RBM33: variants seen among roughly 807,000 people sequenced by gnomAD.
RBM33 encodes the protein RNA binding motif protein 33.
Under a neutral mutation model 132.6 loss-of-function variants are expected in RBM33, and 28 were observed. The observed-to-expected ratio is 0.21, with a 90% CI of 0.16 to 0.29. RBM33 has a LOEUF of 0.29. Ranked by LOEUF, RBM33 falls within the 10% of genes least tolerant of loss-of-function variation. The pLI is 1.00. For synonymous variants in RBM33, 634 were observed against 593.0 expected, an observed-to-expected ratio of 1.07 and a Z score of -1.01; for missense variants, 1,291 against 1,518.5, an observed-to-expected ratio of 0.85 and a Z score of 2.49.
chr7:155,742,380 G>C (rs1043778202), intron 13 of RBM33, among the ~76,000 whole-genome samples: 1 of 152,076 alleles, frequency 6.6e-6, no homozygotes, highest in Non-Finnish European at 1.5e-5. Flanking sequence ...TTTCTGTAAA[G>C]GGCCCAAATA....
intron 9 of RBM33, among the ~76,000 whole-genome samples, chr7:155,719,232 G>A (rs1800553788): frequency 6.6e-6 from 1 of 151,766 alleles, no homozygotes; most frequent in African/African-American, 2.4e-5. Context: ...AAATTTTAAT[G>A]TCATTTATAT....
rs1016015254 is a variant in RBM33 at position 155,644,742 on chromosome 7, G to A, written c.-135G>A. On this transcript the variant is annotated 5_prime_UTR_variant, in exon 1 of 18. Coordinates refer to ENST00000401878, the MANE Select transcript of RBM33 (RefSeq NM_053043.3). The stretch of plus-strand genomic sequence containing the variant: ...AAGGGCCAGCTGTGGACCGCGAAGC[G>A]CCCGGCTTCGCCTCTGCCTCCTGCA... The A allele has an allele frequency of 1.4e-4, 94 of 661,970 alleles. No homozygotes were observed. The highest frequency in any genetic ancestry group is 2.1e-4 in the Admixed American group (5 of 23,940). The allele number at this position is 661,970 out of a possible 1,614,324, so 41.0% of individuals were successfully genotyped here. A position where few individuals can be genotyped will look rare whatever the true frequency, so the allele number is the denominator to read the frequency against.
chr7:155,715,114 C>T (rs984253619), intron 8 of RBM33, among the ~76,000 whole-genome samples: 9 of 152,114 alleles, frequency 5.9e-5, no homozygotes, highest in African/African-American at 2.2e-4. Flanking sequence ...CTTAGGTGGC[C>T]CTGAGCGTCG....
intron 1 of RBM33, among the ~76,000 whole-genome samples, chr7:155,646,761 A>G (rs1039460942): frequency 2.0e-5 from 3 of 151,886 alleles, no homozygotes; most frequent in East Asian, 1.9e-4. Context: ...TTAATTTGTA[A>G]TTTTCTTCAG....
At chr7:155,736,039 G>C (rs547466174) in intron 9 of RBM33, among the ~76,000 whole-genome samples, 2 of 152,120 alleles carry the variant, frequency 1.3e-5, no homozygotes, top group Non-Finnish European at 2.9e-5. Context: ...TAAAGTTTAT[G>C]TTTTTATAAA....
At chr7:155,711,166 T>A in intron 7 of RBM33, 37 bp from the exon 8 acceptor site, 1 of 1,467,348 alleles carries the variant, frequency 6.8e-7, no homozygotes, top group Non-Finnish European at 9.0e-7. Flanking sequence ...TTTTTTGTGA[T>A]TTGTAGACTC....
chr7:155,737,610 C>T lies in RBM33; in HGVS notation c.1341C>T (p.Asp447=). The T allele has an allele frequency of 6.2e-7, 1 of 1,612,230 alleles. No homozygotes were observed. The highest frequency in any genetic ancestry group is 8.5e-7 in the Non-Finnish European group (1 of 1,179,162). The change falls in exon 10 of 18, where the codon GAC becomes GAT. Residue 447 remains aspartate, a synonymous_variant. Transcript: ENST00000401878. ...FSQPPRLPLQ[D]QWRAPPPPQD... Reference sequence around the variant, plus strand: ...AGCCCCCACGACTCCCTCTCCAGGACCAGTGGAGAGCCCCACCCCCGCCTC... The same window carrying T: ...AGCCCCCACGACTCCCTCTCCAGGATCAGTGGAGAGCCCCACCCCCGCCTC...
chr7:155,729,379 G>A (rs956691313), intron 9 of RBM33, among the ~76,000 whole-genome samples: 1 of 150,766 alleles, frequency 6.6e-6, no homozygotes, highest in Non-Finnish European at 1.5e-5. Context: ...CCAGCTGCAG[G>A]GTGAAGAAGC....
In RBM33 at chr7:155,737,572, A is replaced by G. The variant is rs1801168803; in HGVS notation, c.1303A>G (p.Asn435Asp). Residue 435 changes from asparagine to aspartate, a missense_variant, in exon 10 of 18, where the codon AAC becomes GAC. By Grantham distance (23) the Asn-to-Asp change is conservative (BLOSUM62 1). Coordinates refer to ENST00000401878, the MANE Select transcript of RBM33 (RefSeq NM_053043.3). ...FPQHTPGPVPNSFSQPPRLPL... is the reference protein window; with the variant it reads ...FPQHTPGPVPDSFSQPPRLPL... ...ACAGCATACACCTGGACCTGTTCCC[A>G]ACAGTTTCAGCCAGCCCCCACGACT... The G allele has an allele frequency of 6.2e-7, 1 of 1,613,346 alleles. No individual in the cohort carries two copies. Among genetic ancestry groups the G allele is most frequent in the Non-Finnish European group, 8.5e-7 (1 of 1,179,680 alleles).
intron 9 of RBM33, among the ~76,000 whole-genome samples, chr7:155,724,990 TTGTGTGTG>T (rs56739117): frequency 0.036 from 4,417 of 123,254 alleles, 228 homozygotes; most frequent in African/African-American, 0.13. Context: ...GTGTACAGGT[TTGTGTGTG>T]TGTGTGTGTG....
chr7:155,673,730 A>G (rs191866234), intron 3 of RBM33, among the ~76,000 whole-genome samples: 26 of 144,044 alleles, frequency 1.8e-4, no homozygotes, highest in African/African-American at 7.0e-4. Flanking sequence ...ATACACACAC[A>G]TATATACATA....
At chr7:155,667,410 C>G (rs572854855) in intron 2 of RBM33, among the ~76,000 whole-genome samples, 13 of 152,126 alleles carry the variant, frequency 8.5e-5, no homozygotes, top group Non-Finnish European at 1.9e-4. Context: ...GTGCCGTGCC[C>G]AGTTGTATTT....
intron 2 of RBM33, among the ~76,000 whole-genome samples, chr7:155,671,412 A>G (rs2116902195): frequency 6.6e-6 from 1 of 152,320 alleles, no homozygotes; most frequent in South Asian, 2.1e-4. Flanking sequence ...TTATCTGTAA[A>G]ATGTAATATA....
rs1045222398 is a variant in RBM33, at chr7:155,774,447, A to G, written c.3376-112A>G. The stretch of plus-strand genomic sequence containing the variant: ...AAGGAAAATCAATTAGTGTGTTCCA[A>G]ATGTCCGCCTGGACTCATTTTGTGT... On this transcript the variant is annotated intron_variant, in intron 16 of 17. Transcript: ENST00000401878. This position sits in a 1 kb window ranked among gnomAD's most constrained non-coding sequence, Gnocchi z 4.2. 1.3e-4 allele frequency: 93 copies of G among 742,242 alleles called. 1 individual carries two copies. In the Admixed American group the frequency reaches 2.1e-3, roughly 17 times the overall value. The allele number at this position is 742,242 out of a possible 1,614,324, so 46.0% of individuals were successfully genotyped here. A position where few individuals can be genotyped will look rare whatever the true frequency, so the allele number is the denominator to read the frequency against.
intron 6 of RBM33, among the ~76,000 whole-genome samples, chr7:155,705,021 A>T (rs998250680): frequency 1.3e-5 from 2 of 152,196 alleles, no homozygotes; most frequent in African/African-American, 4.8e-5. Context: ...TGTGTATTCT[A>T]TATGTATTTC....
At chr7:155,679,184 A>C (rs1344219061) in intron 4 of RBM33, among the ~76,000 whole-genome samples, 3 of 152,252 alleles carry the variant, frequency 2.0e-5, no homozygotes, top group Admixed American at 1.3e-4. Context: ...AAAAAAAAAA[A>C]CAAAAAACAA....
In RBM33 at chr7:155,679,794, A is replaced by G. The variant is rs534239474; in HGVS notation, c.249-796A>G. Among the ~76,000 whole-genome samples, 4 of 152,314 alleles carry G rather than the reference A, an allele frequency of 2.6e-5. No individual in the cohort carries two copies. In the South Asian group the frequency reaches 8.3e-4, roughly 32 times the overall value. On this transcript the variant is annotated intron_variant, in intron 4 of 17. Transcript: ENST00000401878. ...ATCATTGAAGTTTTTTAGACACAGT[A>G]TCTTGAAGTCTAAGAGGTGTATTAA...
chr7:155,739,870 G>GCAGCAC lies in RBM33; in HGVS notation c.1902_1907dup (p.Gln634_His635dup). On this transcript the variant is annotated inframe_insertion, in exon 12 of 18. Transcript: ENST00000401878. ...CCCAGCACCCACCACAGCACCCGCC[G>GCAGCAC]CAGCACCAGCACCACCACCACCACC... 1 of 1,171,350 alleles carries GCAGCAC rather than the reference G, an allele frequency of 8.5e-7. No individual in the cohort carries two copies. 72.6% of individuals were successfully genotyped at this position (1,171,350 alleles called of 1,614,324 possible).
At chr7:155,685,558 A>C (rs1347389859) in intron 5 of RBM33, among the ~76,000 whole-genome samples, 1 of 152,228 alleles carries the variant, frequency 6.6e-6, no homozygotes, top group Non-Finnish European at 1.5e-5. Context: ...GCTCAGAGAC[A>C]GTGCTAGGAG....
Sources: gnomAD v4.1 joint callset for allele counts (sites outside exome capture counted in the v4.1 genomes callset) on GRCh38, gnomAD v4.1.1 for gene constraint, Gnocchi (gnomAD v3.1) non-coding constraint, MANE v1.5 for transcripts, NCBI Gene and HGNC (gene_info 2026-07-23, HGNC 2026-07-21) for gene names.